Variants in TAOK3 observed in about 807,000 individuals in gnomAD.
TAOK3 encodes the protein serine/threonine-protein kinase TAO3.
Under a neutral mutation model 120.4 loss-of-function variants are expected in TAOK3, and 40 were observed. The ratio of observed to expected loss-of-function variants is 0.33; its 90% CI spans 0.26 to 0.43. The LOEUF is 0.43. Among genes scored for constraint, TAOK3 ranks in the 20% least tolerant of loss-of-function variants. The pLI, the probability that TAOK3 is intolerant of heterozygous loss-of-function variation, is 1.00. For missense variants in TAOK3, 821 were observed against 1,112.1 expected (o/e 0.74, Z 3.72); for synonymous variants, 355 against 387.5 (o/e 0.92, Z 0.99).
chr12:118,196,580 A>G (rs353896), intron 13 of TAOK3, among the ~76,000 whole-genome samples: 1 of 151,652 alleles, frequency 6.6e-6, no homozygotes, highest in Non-Finnish European at 1.5e-5. Flanking sequence ...GGGACAAAAG[A>G]TTCCTTCTCC....
chr12:118,226,705 C>T (rs1263986348), intron 9 of TAOK3, among the ~76,000 whole-genome samples: 1 of 152,090 alleles, frequency 6.6e-6, no homozygotes, highest in Non-Finnish European at 1.5e-5. Context: ...GAGGATTAGA[C>T]AATTTGGGAG....
intron 1 of TAOK3, among the ~76,000 whole-genome samples, chr12:118,298,991 A>G (rs1289104091): frequency 1.3e-5 from 2 of 152,122 alleles, no homozygotes; most frequent in African/African-American, 4.8e-5. Context: ...ATTTGTTAGA[A>G]AGAAAGCCAT....
intron 9 of TAOK3, among the ~76,000 whole-genome samples, chr12:118,229,194 A>G (rs939870043): frequency 1.3e-5 from 2 of 151,312 alleles, no homozygotes; most frequent in Admixed American, 6.6e-5. Context: ...TCCGCCTCCC[A>G]GGTTCAGATG....
chr12:118,199,231 G>A lies in TAOK3; in HGVS notation c.1014C>T (p.Asn338=), dbSNP rs1446921701. 7 of 1,614,048 alleles carry A rather than the reference G, an allele frequency of 4.3e-6. No homozygotes were observed. The highest frequency in any genetic ancestry group is 5.9e-6 in the Non-Finnish European group (7 of 1,179,978). The change falls in exon 13 of 21, where the codon AAC becomes AAT. Residue 338 remains asparagine, a synonymous_variant. Coordinates refer to ENST00000392533, the MANE Select transcript of TAOK3 (RefSeq NM_016281.4). Reference sequence around the variant, plus strand: ...TGCTGCCCAGGCTGTCCATTTCCCTGTTCAGGCTGGTTCCATGTTCACTGT... The same window carrying A: ...TGCTGCCCAGGCTGTCCATTTCCCTATTCAGGCTGGTTCCATGTTCACTGT... ...EEDSEHGTSL[N]REMDSLGSNH... is the part of the protein sequence containing the mutation.
chr12:118,340,933 C>A (rs879925054), intron 1 of TAOK3, among the ~76,000 whole-genome samples: 2 of 152,000 alleles, frequency 1.3e-5, no homozygotes, highest in East Asian at 3.9e-4. Flanking sequence ...GCAAGTGAGA[C>A]CCTGTCTCAA....
chr12:118,170,323 C>T (rs971632966), intron 17 of TAOK3, among the ~76,000 whole-genome samples: 8 of 152,218 alleles, frequency 5.3e-5, no homozygotes, highest in Middle Eastern at 3.4e-3. Flanking sequence ...CCTAGGTCAC[C>T]GCACCCCAAC....
chr12:118,222,945 CAAAAT>C (rs889648758), intron 9 of TAOK3, among the ~76,000 whole-genome samples: 4 of 150,570 alleles, frequency 2.7e-5, no homozygotes, highest in Admixed American at 6.6e-5. Flanking sequence ...ATGTAAAAAA[CAAAAT>C]AAAATAAATC....
At chr12:118,223,114 G>A (rs12315268) in intron 9 of TAOK3, among the ~76,000 whole-genome samples, 5 of 139,490 alleles carry the variant, frequency 3.6e-5, no homozygotes, top group African/African-American at 1.1e-4. Context: ...CTGTCGCCTA[G>A]GCTGGAGTGC....
chr12:118,230,706 T>C (rs2039737924), intron 9 of TAOK3, among the ~76,000 whole-genome samples: 1 of 152,036 alleles, frequency 6.6e-6, no homozygotes, highest in Non-Finnish European at 1.5e-5. Flanking sequence ...CCTGACCTCG[T>C]GATCCGCCCG....
At chr12:118,166,806 G>T (rs2035612455) in intron 17 of TAOK3, among the ~76,000 whole-genome samples, 1 of 115,012 alleles carries the variant, frequency 8.7e-6, no homozygotes, top group Non-Finnish European at 1.9e-5. Flanking sequence ...CAATGTATGT[G>T]TGTGTGTGTA....
intron 20 of TAOK3, among the ~76,000 whole-genome samples, chr12:118,151,371 C>G (rs1294514096): frequency 6.6e-6 from 1 of 151,994 alleles, no homozygotes; most frequent in Non-Finnish European, 1.5e-5. Context: ...ATCAATGCAT[C>G]TAAATCATTA....
chr12:118,323,007 C>T (rs990279146), intron 1 of TAOK3, among the ~76,000 whole-genome samples: 3 of 151,996 alleles, frequency 2.0e-5, no homozygotes, highest in African/African-American at 7.2e-5. Flanking sequence ...TCACCCCGCC[C>T]GGACTTAAAA....
intron 16 of TAOK3, among the ~76,000 whole-genome samples, chr12:118,173,004 G>A (rs1484812968): frequency 1.3e-5 from 2 of 152,168 alleles, no homozygotes; most frequent in African/African-American, 2.4e-5. Flanking sequence ...GCCACCGTGT[G>A]TCTTTATTAT....
intron 1 of TAOK3, among the ~76,000 whole-genome samples, chr12:118,266,987 T>C (rs951788632): frequency 6.6e-6 from 1 of 152,206 alleles, no homozygotes; most frequent in African/African-American, 2.4e-5. Flanking sequence ...GATTTAAGAA[T>C]CTATACTGAA....
chr12:118,342,097 T>C (rs1240136853), intron 1 of TAOK3, among the ~76,000 whole-genome samples: 1 of 152,214 alleles, frequency 6.6e-6, no homozygotes. Context: ...TTCACTATTT[T>C]ACTTTGACCA....
At chr12:118,163,684 TAA>T (rs1458403543) in intron 17 of TAOK3, among the ~76,000 whole-genome samples, 2 of 152,016 alleles carry the variant, frequency 1.3e-5, no homozygotes, top group African/African-American at 4.8e-5. Flanking sequence ...TTTTATGCTA[TAA>T]GATTTCTGAA....
intron 2 of TAOK3, among the ~76,000 whole-genome samples, chr12:118,264,784 A>G (rs1156809676): frequency 1.3e-5 from 2 of 152,222 alleles, no homozygotes; most frequent in African/African-American, 2.4e-5. Flanking sequence ...TTGTAATCCC[A>G]GCTCTTTGGG....
intron 9 of TAOK3, among the ~76,000 whole-genome samples, chr12:118,218,267 A>T (rs2039040922): frequency 6.6e-6 from 1 of 152,140 alleles, no homozygotes; most frequent in Non-Finnish European, 1.5e-5. Context: ...GCAAAAGATT[A>T]AAAAAATCTG....
In TAOK3 at chr12:118,163,454, G is replaced by GT. The variant is rs1479475376; in HGVS notation, c.1900-1428_1900-1427insA. On this transcript the variant is annotated intron_variant, in intron 17 of 20. Transcript: ENST00000392533. Reference sequence around the variant, plus strand: ...CAGGGACATACTTTTTTTTTGGGGGGGGTGGGGGTAGAGATGGGGTCTCAC... The same window carrying GT: ...CAGGGACATACTTTTTTTTTGGGGGGTGGTGGGGGTAGAGATGGGGTCTCAC... 6.7e-5 allele frequency among the ~76,000 whole-genome samples: 10 copies of GT among 148,920 alleles called. No individual in the cohort carries two copies. The East Asian group carries it at 1.2e-3, about 18-fold the overall frequency.
Sources: gnomAD v4.1 joint callset for allele counts (sites outside exome capture counted in the v4.1 genomes callset) on GRCh38, gnomAD v4.1.1 for gene constraint, MANE v1.5 for transcripts, NCBI Gene and HGNC (gene_info 2026-07-23, HGNC 2026-07-21) for gene names.